CELF2: variants seen among roughly 807,000 people sequenced by gnomAD.
CELF2 encodes the protein CUGBP Elav-like family member 2, also known as CUG triplet repeat RNA-binding protein 2.
A neutral mutation model predicts 62.6 loss-of-function variants in CELF2; 8 were observed. The ratio of observed to expected loss-of-function variants is 0.13; its 90% CI spans 0.07 to 0.23. The LOEUF is 0.23. CELF2 is among the 10% of genes least tolerant of loss of function. CELF2 has a pLI of 1.00. For missense variants in CELF2, 333 were observed against 671.0 expected (o/e 0.50, Z 5.56); for synonymous variants, 258 against 250.0 (o/e 1.03, Z -0.30).
chr10:11,041,235 C>T (rs190723084), intron 1 of CELF2, among the ~76,000 whole-genome samples: 2 of 152,354 alleles, frequency 1.3e-5, no homozygotes, highest in African/African-American at 4.8e-5. Context: ...GGCCCCACTT[C>T]CTAACACCAT....
the CELF2 span, among the ~76,000 whole-genome samples, chr10:10,510,655 G>A: frequency 6.6e-6 from 1 of 152,096 alleles, no homozygotes; most frequent in Non-Finnish European, 1.5e-5. Flanking sequence ...TGTCCTCTTG[G>A]AGCTTACATT....
rs2065541433 is a variant in CELF2, at chr10:11,223,578, T to C, written c.354+6071T>C. On this transcript the variant is annotated intron_variant, in intron 3 of 12. Transcript: ENST00000633077. The surrounding 1 kb of genome is among the most constrained non-coding windows in gnomAD (Gnocchi z 5.1). ...AAAGCCAAACAAACAAAATAAGGAC[T>C]TTGTTTCTCTTGGAGATGACTTTTT... Among the ~76,000 whole-genome samples, 1 of 152,220 alleles carries C rather than the reference T, an allele frequency of 6.6e-6. No individual in the cohort carries two copies. The highest frequency in any genetic ancestry group is 2.1e-4 in the South Asian group (1 of 4,832).
At chr10:11,106,256 A>G (rs1019886414) in intron 1 of CELF2, among the ~76,000 whole-genome samples, 1 of 81,294 alleles carries the variant, frequency 1.2e-5, no homozygotes, top group African/African-American at 4.3e-5. Flanking sequence ...TATTTTTGAG[A>G]TGGAGTCTTG....
chr10:10,523,936 T>C, the CELF2 span, among the ~76,000 whole-genome samples: 2 of 152,170 alleles, frequency 1.3e-5, no homozygotes, highest in South Asian at 2.1e-4. Context: ...CCATCCACCT[T>C]GCAGTTCAAG....
At chr10:10,976,589 G>C (rs2051366677) in intron 2 of CELF2, among the ~76,000 whole-genome samples, 1 of 151,786 alleles carries the variant, frequency 6.6e-6, no homozygotes, top group Non-Finnish European at 1.5e-5. Flanking sequence ...CCCCTTTCTG[G>C]GTTCAAGATC....
At chr10:10,810,526 CTG>C (rs946439790) in intron 1 of CELF2, among the ~76,000 whole-genome samples, 167 of 152,182 alleles carry the variant, frequency 1.1e-3, no homozygotes, top group African/African-American at 3.8e-3. Flanking sequence ...GTTCCAGTAA[CTG>C]TCAGTAATTG....
chr10:11,286,228 C>T (rs1046073919), intron 8 of CELF2, among the ~76,000 whole-genome samples: 2 of 152,198 alleles, frequency 1.3e-5, no homozygotes, highest in African/African-American at 4.8e-5. Context: ...CACTGAGGCT[C>T]CTACCTGGGA....
chr10:10,635,209 C>T, the CELF2 span, among the ~76,000 whole-genome samples: 1 of 152,160 alleles, frequency 6.6e-6, no homozygotes, highest in Admixed American at 6.5e-5. Context: ...ATCATTTGTC[C>T]AGTTGCCCCC....
intron 2 of CELF2, among the ~76,000 whole-genome samples, chr10:10,988,882 A>T (rs1416023911): frequency 6.6e-6 from 1 of 152,164 alleles, no homozygotes; most frequent in African/African-American, 2.4e-5. Context: ...AAATAAACAG[A>T]TACACTCATT....
At chr10:10,759,537 T>C in the CELF2 span, among the ~76,000 whole-genome samples, 1 of 151,998 alleles carries the variant, frequency 6.6e-6, no homozygotes, top group African/African-American at 2.4e-5. Context: ...CTCGAACTCC[T>C]GACCTCAGGT....
intron 1 of CELF2, among the ~76,000 whole-genome samples, chr10:10,853,962 A>G (rs1209191224): frequency 6.6e-6 from 1 of 152,182 alleles, no homozygotes; most frequent in African/African-American, 2.4e-5. Context: ...TCCGGATGCA[A>G]CTTTTCTATC....
rs184176471 is a variant in CELF2, at chr10:10,921,414, G to A, written c.89+1415G>A. ...CTCCTGAGTAGCTGGGATTACAGGC[G>A]TGCACCACTACGCCCAGCTAACTTT... On this transcript the variant is annotated intron_variant, in intron 2 of 13. Transcript: ENST00000636488. 4.8e-3 allele frequency among the ~76,000 whole-genome samples: 732 copies of A among 151,934 alleles called. 7 individuals carry two copies. The highest frequency in any genetic ancestry group is 0.017 in the African/African-American group (691 of 41,416).
the CELF2 span, among the ~76,000 whole-genome samples, chr10:10,545,525 T>A: frequency 6.6e-6 from 1 of 152,234 alleles, no homozygotes; most frequent in Admixed American, 6.5e-5. Flanking sequence ...GTCAGTTAAT[T>A]ACCTACCACA....
chr10:11,035,655 C>G (rs2060827127), intron 1 of CELF2, among the ~76,000 whole-genome samples: 1 of 152,188 alleles, frequency 6.6e-6, no homozygotes, highest in Non-Finnish European at 1.5e-5. Context: ...ATTGCTCTTT[C>G]TCCTACCGTG....
intron 1 of CELF2, among the ~76,000 whole-genome samples, chr10:11,144,607 C>G (rs557304225): frequency 1.1e-4 from 17 of 150,018 alleles, no homozygotes; most frequent in Non-Finnish European, 1.9e-4. Flanking sequence ...AAAAAGCACC[C>G]CCAAGGACAG....
rs547569701 is a variant in CELF2, at chr10:11,300,293, T to C, written c.976+11741T>C. ...ATAAAGCCTCAGCAGTCGTTCTGAG[T>C]CCAGACCCGGCCCTCTAGACTGAAT... On this transcript the variant is annotated intron_variant, in intron 9 of 12. Transcript: ENST00000633077. The surrounding 1 kb of genome is among the most constrained non-coding windows in gnomAD (Gnocchi z 5.5). Among the ~76,000 whole-genome samples the C allele has an allele frequency of 6.6e-6, 1 of 152,208 alleles. No homozygotes were observed. Among genetic ancestry groups the C allele is most frequent in the South Asian group, 2.1e-4 (1 of 4,824 alleles).
At chr10:10,958,870 A>G (rs1294213472) in intron 2 of CELF2, among the ~76,000 whole-genome samples, 1 of 152,080 alleles carries the variant, frequency 6.6e-6, no homozygotes, top group Non-Finnish European at 1.5e-5. Context: ...GAAAACAAAG[A>G]ATAGGGCCAC....
chr10:10,636,372 C>T, the CELF2 span, among the ~76,000 whole-genome samples: 1 of 152,194 alleles, frequency 6.6e-6, no homozygotes. Flanking sequence ...ATACCTTCTG[C>T]TGCATATATT....
chr10:10,713,517 G>C, the CELF2 span, among the ~76,000 whole-genome samples: 1 of 152,342 alleles, frequency 6.6e-6, no homozygotes, highest in African/African-American at 2.4e-5. Context: ...TACCTGCAGA[G>C]TGCAGTTATC....
Sources: gnomAD v4.1 joint callset for allele counts (sites outside exome capture counted in the v4.1 genomes callset) on GRCh38, gnomAD v4.1.1 for gene constraint, Gnocchi (gnomAD v3.1) non-coding constraint, MANE v1.5 for transcripts, NCBI Gene and HGNC (gene_info 2026-07-23, HGNC 2026-07-21) for gene names.